The following UACA variants were observed in gnomAD, a reference collection of about 807,000 sequenced individuals.
UACA encodes the protein uveal autoantigen with coiled-coil domains and ankyrin repeats.
Under a neutral mutation model 160.5 loss-of-function variants are expected in UACA, and 112 were observed. The observed-to-expected ratio is 0.70, with a 90% CI of 0.60 to 0.82. The LOEUF (loss-of-function observed/expected upper bound fraction) is 0.82. UACA is among the 40% of genes least tolerant of loss of function. The pLI is 0.00. For synonymous variants in UACA, 557 were observed against 568.4 expected, an observed-to-expected ratio of 0.98 and a Z score of 0.29; for missense variants, 1,574 against 1,614.6, an observed-to-expected ratio of 0.97 and a Z score of 0.43.
chr15:70,750,461 A>T (rs1002192115), intron 1 of UACA, among the ~76,000 whole-genome samples: 4 of 151,964 alleles, frequency 2.6e-5, no homozygotes, highest in Non-Finnish European at 5.9e-5. Flanking sequence ...CCCTTCCCCC[A>T]GCTCTGAGCT....
Position 70,727,743 on chromosome 15 carries a change from T to TA in UACA, c.79-28084dup, listed in dbSNP as rs1899190712. Among the ~76,000 whole-genome samples, 5 of 152,338 alleles carry TA rather than the reference T, an allele frequency of 3.3e-5. No homozygotes were observed. The South Asian group carries it at 1.0e-3, about 32-fold the overall frequency. ...TTAATGTATTAATTACTAAATATCT[T>TA]AAACTGTTCTAGAACTTCTACTTAA... On this transcript the variant is annotated intron_variant, in intron 1 of 18. Transcript: ENST00000322954.
intron 1 of UACA, among the ~76,000 whole-genome samples, chr15:70,740,634 T>G (rs527825250): frequency 3.2e-4 from 13 of 40,474 alleles, no homozygotes; most frequent in East Asian, 1.8e-3. Context: ...CAAGACCCTG[T>G]CTCAAAAAAA....
rs150013138 is a variant in UACA at position 70,667,719 on chromosome 15, C to T, written c.2965G>A (p.Val989Ile). Residue 989 changes from valine to isoleucine, a missense_variant, in exon 16 of 19, where the codon GTC becomes ATC. Transcript: ENST00000322954. ...ECIKVKYAPI[V>I]SFEECERKFK... ...TTTCTCTCGCACTCCTCAAAGCTGA[C>T]AATTGGGGCGTATTTTACCTTAATG... 6.7e-5 allele frequency: 108 copies of T among 1,614,006 alleles called. No individual in the cohort carries two copies. In the East Asian group the frequency reaches 2.3e-3, roughly 34 times the overall value.
In UACA at chr15:70,667,582, CTTT is replaced by C; in HGVS notation, c.3099_3101del (p.Lys1035del). ...CTTTCTGAAGGGTAAAAATCTCCTT[CTTT>C]AACTTGTCATTCTCTTGCTTGTTTT... On this transcript the variant is annotated inframe_deletion, in exon 16 of 19. Coordinates refer to ENST00000322954, the MANE Select transcript of UACA (RefSeq NM_018003.4). The C allele has an allele frequency of 6.2e-7, 1 of 1,613,030 alleles. No individual in the cohort carries two copies. Among genetic ancestry groups the C allele is most frequent in the Non-Finnish European group, 8.5e-7 (1 of 1,179,934 alleles).
At chr15:70,724,702 G>T (rs1248472202) in intron 1 of UACA, among the ~76,000 whole-genome samples, 1 of 151,946 alleles carries the variant, frequency 6.6e-6, no homozygotes, top group African/African-American at 2.4e-5. Flanking sequence ...CAAAGAGTGT[G>T]ACCTTTTTAT....
chr15:70,775,177 T>A, the UACA span, among the ~76,000 whole-genome samples: 1 of 152,246 alleles, frequency 6.6e-6, no homozygotes, highest in Non-Finnish European at 1.5e-5. Context: ...CAACCAGTAG[T>A]ATACTGGTAA....
rs144251833 is a variant in UACA, at chr15:70,699,613, T to C, written c.126A>G (p.Ala42=). 111 of 1,611,392 alleles carry C rather than the reference T, an allele frequency of 6.9e-5. No homozygotes were observed. The highest frequency in any genetic ancestry group is 2.5e-4 in the Admixed American group (15 of 59,580). The change falls in exon 2 of 19, where the codon GCA becomes GCG. Residue 42 remains alanine, a synonymous_variant. Transcript: ENST00000322954. ...TCACTTTTTCTACATCCCCCCTTTC[T>C]GCTGCTTTCATCAATCGGTCATCAT... The part of the protein sequence containing the change: ...NKYDDRLMKA[A]ERGDVEKVTS...
rs1301816495 is a variant in UACA at position 70,667,873 on chromosome 15, C to G, written c.2811G>C (p.Gln937His). 10 of 1,613,986 alleles carry G rather than the reference C, an allele frequency of 6.2e-6. No homozygotes were observed. The highest frequency in any genetic ancestry group is 8.5e-6 in the Non-Finnish European group (10 of 1,180,014). ...TACTATCCTGCACCTTTCTCATGCT[C>G]TGACTTAGCGAGCTCATCTTTGCCT... ...EHEAKMSSLSQSMRKVQDSNA... is the reference protein window; with the variant it reads ...EHEAKMSSLSHSMRKVQDSNA... The change falls in exon 16 of 19, where the codon CAG becomes CAC. Residue 937 changes from glutamine to histidine, a missense_variant. By Grantham distance (24) the Gln-to-His change is conservative. Transcript: ENST00000322954.
chr15:70,774,757 T>C, the UACA span, among the ~76,000 whole-genome samples: 4 of 152,034 alleles, frequency 2.6e-5, no homozygotes, highest in African/African-American at 9.7e-5. Context: ...TGATTCACTA[T>C]TGAAAGTTAA....
At chr15:70,719,116 A>AGAAGGAGAAGAGAAGAGAAGAGAAGGT (rs1255054616) in intron 1 of UACA, among the ~76,000 whole-genome samples, 3 of 151,600 alleles carry the variant, frequency 2.0e-5, no homozygotes, top group African/African-American at 7.3e-5. Context: ...GAAGAGAAGG[A>AGAAGGAGAAGAGAAGAGAAGAGAAGGT]GAAGGAGAAG....
intron 1 of UACA, among the ~76,000 whole-genome samples, chr15:70,708,046 A>T (rs1898570778): frequency 6.6e-6 from 1 of 152,196 alleles, no homozygotes; most frequent in Non-Finnish European, 1.5e-5. Context: ...GGCTGAATGG[A>T]TAAACAAAAT....
chr15:70,768,245 A>G (rs2031062892), upstream of UACA: 1 of 152,192 alleles, frequency 6.6e-6, no homozygotes, highest in Non-Finnish European at 1.5e-5. Flanking sequence ...TAGCTATAGC[A>G]ATCTTGAGTT....
chr15:70,694,677 A>G (rs113159693), intron 3 of UACA, among the ~76,000 whole-genome samples: 2,226 of 152,250 alleles, frequency 0.015, 52 homozygotes, highest in African/African-American at 0.052. Context: ...GCTGTTAGGT[A>G]GCAGTTAGTT....
intron 1 of UACA, among the ~76,000 whole-genome samples, chr15:70,753,806 A>AT (rs144626178): frequency 6.6e-6 from 1 of 151,968 alleles, no homozygotes; most frequent in Admixed American, 6.6e-5. Flanking sequence ...ATTACTTATA[A>AT]TTTTTTTTGT....
chr15:70,740,412 G>A (rs1049788708), intron 1 of UACA, among the ~76,000 whole-genome samples: 2 of 151,034 alleles, frequency 1.3e-5, no homozygotes, highest in African/African-American at 4.9e-5. Context: ...CCAGGAATTC[G>A]AGATCAGCCT....
At chr15:70,720,800 C>A (rs867391515) in intron 1 of UACA, among the ~76,000 whole-genome samples, 1 of 152,082 alleles carries the variant, frequency 6.6e-6, no homozygotes, top group Admixed American at 6.6e-5. Flanking sequence ...GAAGAATATG[C>A]GCCCCTGCAC....
intron 1 of UACA, 60 bp from the exon 2 acceptor site, chr15:70,699,720 AG>A (rs1363688486): frequency 6.4e-7 from 1 of 1,573,174 alleles, no homozygotes; most frequent in African/African-American, 1.4e-5. Flanking sequence ...ATTTTTCTAA[AG>A]AAAGAAAAAA....
chr15:70,686,162 T>C (rs1480968705), intron 7 of UACA, among the ~76,000 whole-genome samples: 1 of 151,602 alleles, frequency 6.6e-6, no homozygotes, highest in Non-Finnish European at 1.5e-5. Flanking sequence ...TTTAAAGAGG[T>C]TTATTCTGAG....
intron 1 of UACA, chr15:70,754,245 T>C (rs1237041148): frequency 2.3e-6 from 1 of 434,022 alleles, no homozygotes; most frequent in Non-Finnish European, 4.6e-6. Context: ...CAACTTATGA[T>C]GGTTAGACTT....
Sources: gnomAD v4.1 joint callset for allele counts (sites outside exome capture counted in the v4.1 genomes callset) on GRCh38, gnomAD v4.1.1 for gene constraint, MANE v1.5 for transcripts, NCBI Gene and HGNC (gene_info 2026-07-23, HGNC 2026-07-21) for gene names.